The following RAD51B variants were observed in gnomAD, a reference collection of about 807,000 sequenced individuals.
The protein encoded by RAD51B is RAD51 paralog B, also known as DNA repair protein RAD51 homolog 2.
In RAD51B, 38 loss-of-function variants were observed where a neutral mutation model predicts 42.2. The ratio of observed to expected loss-of-function variants is 0.90; its 90% CI spans 0.70 to 1.18. The LOEUF (loss-of-function observed/expected upper bound fraction) is 1.18. Ranked by LOEUF, RAD51B falls within the 50% of genes most tolerant of loss-of-function variation. The pLI is 0.00. For missense variants in RAD51B, 373 were observed against 400.7 expected, an observed-to-expected ratio of 0.93 and a Z score of 0.59; for synonymous variants, 154 against 145.2, an observed-to-expected ratio of 1.06 and a Z score of -0.43.
At chr14:68,371,045 A>G (rs1181843248) in intron 8 of RAD51B, among the ~76,000 whole-genome samples, 1 of 132,694 alleles carries the variant, frequency 7.5e-6, no homozygotes, top group Non-Finnish European at 1.6e-5. Flanking sequence ...TCAAAAAAAA[A>G]AAAAAAAAAA....
At chr14:68,397,949 A>G (rs1432173461) in intron 8 of RAD51B, among the ~76,000 whole-genome samples, 2 of 152,230 alleles carry the variant, frequency 1.3e-5, no homozygotes, top group Non-Finnish European at 2.9e-5. Flanking sequence ...ATGTGAGGCC[A>G]GCATTCCATT....
At chr14:68,327,382 G>GT (rs35609139) in intron 8 of RAD51B, among the ~76,000 whole-genome samples, 275 of 142,552 alleles carry the variant, frequency 1.9e-3, no homozygotes, top group Non-Finnish European at 3.0e-3. Flanking sequence ...TTTTTTTGTT[G>GT]TTTTTTTTTT....
At chr14:68,288,844 T>G (rs934623466) in intron 7 of RAD51B, among the ~76,000 whole-genome samples, 16 of 152,204 alleles carry the variant, frequency 1.1e-4, no homozygotes, top group African/African-American at 3.9e-4. Flanking sequence ...TTTAAAAGAA[T>G]CACAAAAATA....
intron 10 of RAD51B, chr14:68,540,696 T>C (rs1350254575): frequency 1.0e-6 from 1 of 985,250 alleles, no homozygotes; most frequent in Non-Finnish European, 1.2e-6. Context: ...TGAATCTCTC[T>C]AGCCAACCAA....
intron 7 of RAD51B, among the ~76,000 whole-genome samples, chr14:67,955,617 A>G (rs1007941920): frequency 9.2e-5 from 14 of 152,230 alleles, no homozygotes; most frequent in African/African-American, 3.4e-4. Context: ...AATTTTCAGA[A>G]TTGGTGATGA....
chr14:68,139,675 A>G (rs950276672), intron 7 of RAD51B, among the ~76,000 whole-genome samples: 1 of 152,146 alleles, frequency 6.6e-6, no homozygotes, highest in African/African-American at 2.4e-5. Context: ...CTGAACCAAT[A>G]TTTGCCAGTT....
intron 10 of RAD51B, among the ~76,000 whole-genome samples, chr14:68,602,522 C>CTAGATAGATAGA (rs71129899): frequency 1.5e-5 from 2 of 129,776 alleles, no homozygotes; most frequent in Admixed American, 1.6e-4. Flanking sequence ...AGATAGCTAG[C>CTAGATAGATAGA]TAGATAGATA....
chr14:68,641,163 G>A (rs138631672), intron 10 of RAD51B, among the ~76,000 whole-genome samples: 300 of 152,314 alleles, frequency 2.0e-3, no homozygotes, highest in African/African-American at 6.9e-3. Context: ...AAAAGATGAT[G>A]AAGGTCTGCA....
At chr14:67,912,260 G>A (rs1314695282) in intron 7 of RAD51B, among the ~76,000 whole-genome samples, 1 of 152,116 alleles carries the variant, frequency 6.6e-6, no homozygotes, top group African/African-American at 2.4e-5. Context: ...CCAAAGGTCT[G>A]TATTCACTCG....
chr14:68,448,326 C>A (rs1007084868), intron 9 of RAD51B, among the ~76,000 whole-genome samples: 2 of 152,206 alleles, frequency 1.3e-5, no homozygotes, highest in Non-Finnish European at 2.9e-5. Context: ...TCTGAGAAAG[C>A]TGGAAGTACA....
At chr14:68,594,185 G>A (rs1301547558) in intron 10 of RAD51B, among the ~76,000 whole-genome samples, 1 of 150,624 alleles carries the variant, frequency 6.6e-6, no homozygotes, top group Non-Finnish European at 1.5e-5. Flanking sequence ...ATGCATTTGA[G>A]ACCACAATTT....
intron 7 of RAD51B, among the ~76,000 whole-genome samples, chr14:68,202,709 A>C (rs546206850): frequency 6.7e-6 from 1 of 149,580 alleles, no homozygotes; most frequent in Non-Finnish European, 1.5e-5. Context: ...CAGCCTCCTC[A>C]GTAGCTGGGA....
intron 7 of RAD51B, among the ~76,000 whole-genome samples, chr14:68,003,134 A>G (rs2075518402): frequency 1.3e-5 from 2 of 152,216 alleles, no homozygotes; most frequent in African/African-American, 4.8e-5. Flanking sequence ...GGTCATTTAC[A>G]TGATATTGAT....
At chr14:68,511,343 G>A (rs1023568580) in intron 10 of RAD51B, among the ~76,000 whole-genome samples, 2 of 152,142 alleles carry the variant, frequency 1.3e-5, no homozygotes, top group Admixed American at 6.5e-5. Context: ...TGGAAAGAAG[G>A]GAAACAGGTA....
At chr14:68,001,390 T>C (rs1417823178) in intron 7 of RAD51B, among the ~76,000 whole-genome samples, 1 of 152,120 alleles carries the variant, frequency 6.6e-6, no homozygotes, top group African/African-American at 2.4e-5. Context: ...CTTGCTATAT[T>C]GGTGGAAGCT....
chr14:68,399,381 C>T (rs955658028), intron 8 of RAD51B, among the ~76,000 whole-genome samples: 18 of 151,380 alleles, frequency 1.2e-4, no homozygotes, highest in African/African-American at 3.9e-4. Flanking sequence ...CTCAGCCTCC[C>T]GAGTAGCTGG....
At chr14:68,535,383 A>AC (rs1887554684) in intron 10 of RAD51B, among the ~76,000 whole-genome samples, 1 of 107,552 alleles carries the variant, frequency 9.3e-6, no homozygotes, top group Non-Finnish European at 1.9e-5. Context: ...TTTATTTCCC[A>AC]CCCCCACCCC....
At chr14:68,651,577 C>G (rs1892699381) in intron 11 of RAD51B, among the ~76,000 whole-genome samples, 1 of 152,162 alleles carries the variant, frequency 6.6e-6, no homozygotes, top group Non-Finnish European at 1.5e-5. Context: ...AAGTCGAACC[C>G]TCTAGACCAC....
chr14:68,665,363 G>A (rs913469269), intron 11 of RAD51B, among the ~76,000 whole-genome samples: 1 of 152,260 alleles, frequency 6.6e-6, no homozygotes, highest in South Asian at 2.1e-4. Flanking sequence ...GACAAGGATC[G>A]AGCTTCATCT....
Sources: gnomAD v4.1 joint callset for allele counts (sites outside exome capture counted in the v4.1 genomes callset) on GRCh38, gnomAD v4.1.1 for gene constraint, MANE v1.5 for transcripts, NCBI Gene and HGNC (gene_info 2026-07-23, HGNC 2026-07-21) for gene names.